The following GPR149 variants were observed in gnomAD, a reference collection of about 807,000 sequenced individuals.
The protein encoded by GPR149 is probable G protein-coupled receptor 149.
Under a neutral mutation model 50.2 loss-of-function variants are expected in GPR149, and 50 were observed. The ratio of observed to expected loss-of-function variants is 1.00; its 90% CI spans 0.79 to 1.26. GPR149 has a LOEUF of 1.26. Ranked by LOEUF, GPR149 falls within the 50% of genes most tolerant of loss-of-function variation. GPR149 has a pLI of 0.00. For synonymous variants in GPR149, 405 were observed against 358.2 expected (o/e 1.13, Z -1.48); for missense variants, 983 against 895.4 (o/e 1.10, Z -1.25).
chr3:154,403,297 G>C (rs187816433), intron 3 of GPR149, among the ~76,000 whole-genome samples: 337 of 152,280 alleles, frequency 2.2e-3, no homozygotes, highest in African/African-American at 7.7e-3. Flanking sequence ...AAGGAAGCAG[G>C]ATGAAATTTA....
chr3:154,421,376 T>C lies in GPR149; in HGVS notation c.1286A>G (p.Asn429Ser), dbSNP rs190883894. 7 of 1,612,668 alleles carry C rather than the reference T, an allele frequency of 4.3e-6. No homozygotes were observed. The East Asian group carries it at 1.1e-4, about 26-fold the overall frequency. Reference sequence around the variant, plus strand: ...AGTTTCACACTCAGAGTTCATCAGGTTGTGATAGAATATGGAATTTTCATC... The same window carrying C: ...AGTTTCACACTCAGAGTTCATCAGGCTGTGATAGAATATGGAATTTTCATC... ...DDDENSIFYH[N>S]LMNSECETTK... The change falls in exon 3 of 4, where the codon AAC becomes AGC. Residue 429 changes from asparagine to serine, a missense_variant. Transcript: ENST00000389740.
chr3:154,413,942 GTATATA>G (rs3038651), intron 3 of GPR149, among the ~76,000 whole-genome samples: 8 of 147,906 alleles, frequency 5.4e-5, no homozygotes, highest in African/African-American at 2.0e-4. Context: ...AGAAATTGTA[GTATATA>G]TATATATATA....
At chr3:154,376,186 G>A (rs1714788537) in intron 3 of GPR149, among the ~76,000 whole-genome samples, 2 of 151,136 alleles carry the variant, frequency 1.3e-5, no homozygotes, top group African/African-American at 2.4e-5. Flanking sequence ...AATACAAAAT[G>A]TATACAATGT....
chr3:154,386,234 A>C lies in GPR149; in HGVS notation c.1623+34805T>G, dbSNP rs76354399. On this transcript the variant is annotated intron_variant, in intron 3 of 3. Coordinates refer to ENST00000389740, the MANE Select transcript of GPR149 (RefSeq NM_001038705.3). ...AGAGGTCTAACAATAGTTGTGAATC[A>C]GGACTAGACAATACCAGTTTTGAAG... is the stretch of plus-strand genomic sequence containing the variant. Among the ~76,000 whole-genome samples the C allele has an allele frequency of 5.3e-3, 801 of 152,344 alleles. 8 individuals carry two copies. The highest frequency in any genetic ancestry group is 0.019 in the African/African-American group (770 of 41,584).
intron 3 of GPR149, chr3:154,354,828 G>T: frequency 2.1e-6 from 1 of 470,046 alleles, no homozygotes; most frequent in Non-Finnish European, 3.3e-6. Flanking sequence ...TCCACGCACA[G>T]TGGCCACAAC....
intron 3 of GPR149, among the ~76,000 whole-genome samples, chr3:154,378,224 A>G (rs1714838434): frequency 6.6e-6 from 1 of 151,752 alleles, no homozygotes; most frequent in Non-Finnish European, 1.5e-5. Context: ...CTGGGATTAC[A>G]TGTGTGCACC....
At chr3:154,367,004 A>G (rs1714545937) in intron 3 of GPR149, among the ~76,000 whole-genome samples, 1 of 152,196 alleles carries the variant, frequency 6.6e-6, no homozygotes, top group Admixed American at 6.5e-5. Context: ...CTGAGACTGG[A>G]TAAAGAACAG....
At chr3:154,354,311 A>C (rs1457053620) in intron 3 of GPR149, 12 of 309,702 alleles carry the variant, frequency 3.9e-5, no homozygotes, top group Non-Finnish European at 5.0e-5. Context: ...TAAGGGAAGT[A>C]CAGGTCTATA....
chr3:154,427,263 T>TC (rs1712328850), intron 2 of GPR149, among the ~76,000 whole-genome samples: 1 of 151,134 alleles, frequency 6.6e-6, no homozygotes, highest in Non-Finnish European at 1.5e-5. Flanking sequence ...AGTCTTCCCT[T>TC]TTTTTTTTCT....
chr3:154,335,709 G>A lies in GPR149; in HGVS notation c.*1990C>T, dbSNP rs1713640464. The A allele has an allele frequency of 6.6e-6, 1 of 152,050 alleles. No individual in the cohort carries two copies. Among genetic ancestry groups the A allele is most frequent in the Non-Finnish European group, 1.5e-5 (1 of 67,970 alleles). 9.4% of individuals were successfully genotyped at this position (152,050 alleles called of 1,614,324 possible). A position where few individuals can be genotyped will look rare whatever the true frequency, so the allele number is the denominator to read the frequency against. On this transcript the variant is annotated 3_prime_UTR_variant, in exon 4 of 4. Coordinates refer to ENST00000389740, the MANE Select transcript of GPR149 (RefSeq NM_001038705.3). ...TATTGTCTTCTATCTATTTCTTAAT[G>A]CTCTTTAAACCTTGATTTCTGTTAT... is the stretch of plus-strand genomic sequence containing the variant.
At chr3:154,346,585 TTTTTC>T (rs554829113) in intron 3 of GPR149, among the ~76,000 whole-genome samples, 8 of 151,654 alleles carry the variant, frequency 5.3e-5, no homozygotes, top group South Asian at 2.1e-4. Flanking sequence ...CAAATTAAGG[TTTTTC>T]TTTTCTTTTC....
intron 3 of GPR149, among the ~76,000 whole-genome samples, chr3:154,375,560 T>C (rs1714772752): frequency 6.6e-6 from 1 of 152,226 alleles, no homozygotes; most frequent in African/African-American, 2.4e-5. Context: ...TTATGTTTTC[T>C]CATATTCCCT....
chr3:154,427,693 G>A lies in GPR149; in HGVS notation c.997C>T (p.Gln333Ter). 1 of 1,612,488 alleles carries A rather than the reference G, an allele frequency of 6.2e-7. No individual in the cohort carries two copies. Among genetic ancestry groups the A allele is most frequent in the Non-Finnish European group, 8.5e-7 (1 of 1,179,176 alleles). Reference protein sequence around the residue: ...WLPMMMHMVVQNVVGFQSLPL... With the variant: ...WLPMMMHMVV ...AGGCTCTGAAACCCCACGACGTTCT[G>A]GACCACCATGTGCATCTGCAAGGGC... The change falls in exon 2 of 4, where the codon CAG (glutamine) becomes TAG (stop). Residue 333 changes from glutamine (Q) to a stop codon, truncating the protein, a stop_gained. Coordinates refer to ENST00000389740, the MANE Select transcript of GPR149 (RefSeq NM_001038705.3). LOFTEE classifies it high-confidence loss of function.
chr3:154,386,433 A>G (rs529333157), intron 3 of GPR149, among the ~76,000 whole-genome samples: 38 of 152,366 alleles, frequency 2.5e-4, no homozygotes, highest in South Asian at 2.3e-3. Context: ...TACTCTGTTG[A>G]GAAACCTGGG....
At chr3:154,367,680 A>C (rs1714561745) in intron 3 of GPR149, among the ~76,000 whole-genome samples, 1 of 151,958 alleles carries the variant, frequency 6.6e-6, no homozygotes, top group African/African-American at 2.4e-5. Flanking sequence ...TTGTACTGTC[A>C]CTCTGCTCAA....
At chr3:154,401,910 A>ACTT (rs1173335818) in intron 3 of GPR149, among the ~76,000 whole-genome samples, 1 of 152,138 alleles carries the variant, frequency 6.6e-6, no homozygotes, top group Non-Finnish European at 1.5e-5. Context: ...GTCTTTGGAA[A>ACTT]CCTATGTTTA....
rs748668643 is a variant in GPR149 at position 154,429,077 on chromosome 3, C to CAGGGCGTGCGCACGA, written c.524_538dup (p.Phe175_Pro179dup). 2 of 1,613,828 alleles carry CAGGGCGTGCGCACGA rather than the reference C, an allele frequency of 1.2e-6. No individual in the cohort carries two copies. Among genetic ancestry groups the CAGGGCGTGCGCACGA allele is most frequent in the Admixed American group, 3.3e-5 (2 of 60,028 alleles). ...GCTGGAGCAGTCCACCAGGCAGCCC[C>CAGGGCGTGCGCACGA]AGGGCGTGCGCACGAAGGCGCCCCA... On this transcript the variant is annotated inframe_insertion, in exon 1 of 4. Transcript: ENST00000389740.
Position 154,337,640 on chromosome 3 carries a change from T to A in GPR149, c.*59A>T, listed in dbSNP as rs1713684733. ...AAGGAAATCAGTCTCATAACAAAGG[T>A]GTTAGTTTCACAGTTGACGTTGCAG... On this transcript the variant is annotated 3_prime_UTR_variant, in exon 4 of 4. Coordinates refer to ENST00000389740, the MANE Select transcript of GPR149 (RefSeq NM_001038705.3). 2.5e-6 allele frequency: 3 copies of A among 1,216,420 alleles called. No individual in the cohort carries two copies. The highest frequency in any genetic ancestry group is 3.4e-6 in the Non-Finnish European group (3 of 870,232). The allele number at this position is 1,216,420 out of a possible 1,614,324, so 75.4% of individuals were successfully genotyped here.
Position 154,416,034 on chromosome 3 carries a change from T to A in GPR149, c.1623+5005A>T, listed in dbSNP as rs78962938. On this transcript the variant is annotated intron_variant, in intron 3 of 3. Coordinates refer to ENST00000389740, the MANE Select transcript of GPR149 (RefSeq NM_001038705.3). ...AATTACTCAGAGACAAGTTTAGGCA[T>A]CTTCATTTTAAGCTAATAATATAAC... Among the ~76,000 whole-genome samples the A allele has an allele frequency of 1.0e-2, 1,514 of 152,002 alleles. 24 individuals carry two copies. The highest frequency in any genetic ancestry group is 0.035 in the African/African-American group (1,454 of 41,520).
Sources: gnomAD v4.1 joint callset for allele counts (sites outside exome capture counted in the v4.1 genomes callset) on GRCh38, gnomAD v4.1.1 for gene constraint, MANE v1.5 for transcripts, NCBI Gene and HGNC (gene_info 2026-07-23, HGNC 2026-07-21) for gene names.